Variants in DCC observed in about 807,000 individuals in gnomAD.
The protein encoded by DCC is DCC netrin 1 receptor.
A neutral mutation model predicts 172.5 loss-of-function variants in DCC; 58 were observed. The ratio of observed to expected loss-of-function variants is 0.34; its 90% confidence interval spans 0.27 to 0.42. The LOEUF is 0.42. DCC is among the 10% of genes least tolerant of loss of function. The pLI, the probability that DCC is intolerant of heterozygous loss-of-function variation, is 1.00. For missense variants in DCC, 1,740 were observed against 1,791.0 expected (o/e 0.97, Z 0.51); for synonymous variants, 709 against 644.5 (o/e 1.10, Z -1.52).
At chr18:52,342,522 A>G (rs2144221560) in intron 1 of DCC, among the ~76,000 whole-genome samples, 1 of 152,258 alleles carries the variant, frequency 6.6e-6, no homozygotes, top group South Asian at 2.1e-4. Context: ...TGCCTCCTCG[A>G]GACCCTCAAA....
At chr18:52,534,696 C>T (rs1419101013) in intron 1 of DCC, among the ~76,000 whole-genome samples, 3 of 152,104 alleles carry the variant, frequency 2.0e-5, no homozygotes, top group Non-Finnish European at 4.4e-5. Context: ...ATTTTTAATA[C>T]TTATTTTCTC....
intron 13 of DCC, among the ~76,000 whole-genome samples, chr18:53,315,382 T>C (rs2057331520): frequency 6.6e-6 from 1 of 152,238 alleles, no homozygotes; most frequent in African/African-American, 2.4e-5. Flanking sequence ...TTTGCATTGG[T>C]TCCAAGTCTT....
At chr18:52,793,509 T>C (rs1222158237) in intron 2 of DCC, among the ~76,000 whole-genome samples, 2 of 152,252 alleles carry the variant, frequency 1.3e-5, no homozygotes, top group African/African-American at 4.8e-5. Context: ...GCTGTTGAGT[T>C]GTTTCAGTTC....
intron 1 of DCC, among the ~76,000 whole-genome samples, chr18:52,542,316 A>T (rs1179123478): frequency 6.6e-6 from 1 of 152,188 alleles, no homozygotes; most frequent in Non-Finnish European, 1.5e-5. Context: ...GTTGAAATAC[A>T]TGACCATTTT....
chr18:52,831,009 T>A (rs1022255648), intron 2 of DCC, among the ~76,000 whole-genome samples: 5 of 152,066 alleles, frequency 3.3e-5, no homozygotes, highest in South Asian at 2.1e-4. Flanking sequence ...ATAGGGCAAG[T>A]CTCGGTATTA....
intron 2 of DCC, among the ~76,000 whole-genome samples, chr18:52,846,848 C>G (rs1378003376): frequency 6.6e-6 from 1 of 152,024 alleles, no homozygotes; most frequent in Non-Finnish European, 1.5e-5. Flanking sequence ...GGATATTCAC[C>G]AGAAATCTGT....
chr18:52,422,343 G>C (rs549484833), intron 1 of DCC, among the ~76,000 whole-genome samples: 21 of 152,140 alleles, frequency 1.4e-4, no homozygotes, highest in Non-Finnish European at 2.8e-4. Context: ...TGAGACTTGT[G>C]ATAATATTTG....
intron 1 of DCC, among the ~76,000 whole-genome samples, chr18:52,669,504 T>G (rs1051764602): frequency 6.6e-6 from 1 of 152,172 alleles, no homozygotes; most frequent in African/African-American, 2.4e-5. Flanking sequence ...AAGGACAGCT[T>G]AAAGGTTAGA....
chr18:52,574,934 T>C (rs1488473653), intron 1 of DCC, among the ~76,000 whole-genome samples: 1 of 152,132 alleles, frequency 6.6e-6, no homozygotes, highest in Non-Finnish European at 1.5e-5. Context: ...GTCATAGACC[T>C]TCTGAATTAG....
At chr18:53,214,355 A>G (rs551711241) in intron 11 of DCC, among the ~76,000 whole-genome samples, 8 of 152,302 alleles carry the variant, frequency 5.3e-5, no homozygotes, top group South Asian at 4.1e-4. Flanking sequence ...TGCTCATTCA[A>G]TCATTAATTC....
At chr18:52,904,653 T>G (rs2039854929) in intron 2 of DCC, among the ~76,000 whole-genome samples, 1 of 152,152 alleles carries the variant, frequency 6.6e-6, no homozygotes, top group Non-Finnish European at 1.5e-5. Context: ...TGGACAAAAT[T>G]TAAACCTGGA....
rs1377991158 is a variant in DCC at position 52,408,395 on chromosome 18, T to A, written c.91+67517T>A. ...CTTAAAGAATATCTACAATGACAAATGCTGAATTCAGGATGCATGAAGAAT... is the reference window on the plus strand; with the variant it reads ...CTTAAAGAATATCTACAATGACAAAAGCTGAATTCAGGATGCATGAAGAAT... On this transcript the variant is annotated intron_variant, in intron 1 of 28. Transcript: ENST00000442544. 2.6e-5 allele frequency among the ~76,000 whole-genome samples: 4 copies of A among 152,062 alleles called. No individual in the cohort carries two copies. In the East Asian group the frequency reaches 7.7e-4, roughly 29 times the overall value.
At chr18:52,630,891 G>A (rs1467441058) in intron 1 of DCC, among the ~76,000 whole-genome samples, 1 of 152,136 alleles carries the variant, frequency 6.6e-6, no homozygotes, top group Non-Finnish European at 1.5e-5. Context: ...GGTGCCCTTT[G>A]AGAGGAATCC....
rs1037116354 is a variant in DCC, at chr18:52,865,714, ATTTG to A, written c.413-40326_413-40323del. On this transcript the variant is annotated intron_variant, in intron 2 of 28. Transcript: ENST00000442544. Reference sequence around the variant, plus strand: ...TGATGGGGTTGTTTTTTTCTTGTAAATTTGTTTAAGTTCCTTGTAGATTCTGGAT... The same window carrying A: ...TGATGGGGTTGTTTTTTTCTTGTAAATTTAAGTTCCTTGTAGATTCTGGAT... Among the ~76,000 whole-genome samples, 21 of 151,654 alleles carry A rather than the reference ATTTG, an allele frequency of 1.4e-4. No homozygotes were observed. The East Asian group carries it at 2.9e-3, about 21-fold the overall frequency.
At chr18:52,651,181 G>A (rs969613666) in intron 1 of DCC, among the ~76,000 whole-genome samples, 1 of 151,990 alleles carries the variant, frequency 6.6e-6, no homozygotes, top group Non-Finnish European at 1.5e-5. Context: ...TTTATTTTTT[G>A]AGAGTAGGTG....
At chr18:53,213,647 C>CAAA (rs34284373) in intron 11 of DCC, among the ~76,000 whole-genome samples, 1,188 of 35,386 alleles carry the variant, frequency 0.034, 159 homozygotes, top group African/African-American at 0.067. Flanking sequence ...GACTCCGTCT[C>CAAA]AAAAAAAAAA....
At chr18:53,031,746 T>C (rs1260692810) in intron 5 of DCC, among the ~76,000 whole-genome samples, 1 of 152,156 alleles carries the variant, frequency 6.6e-6, no homozygotes. Context: ...TTGGCTAAAG[T>C]ATTTCAATGA....
chr18:52,913,135 C>G (rs1015172367), intron 3 of DCC, among the ~76,000 whole-genome samples: 1 of 151,988 alleles, frequency 6.6e-6, no homozygotes, highest in Non-Finnish European at 1.5e-5. Context: ...TAGGGCTAGG[C>G]AGAGCACAGG....
At chr18:53,145,348 C>T (rs947521535) in intron 7 of DCC, among the ~76,000 whole-genome samples, 5 of 151,982 alleles carry the variant, frequency 3.3e-5, no homozygotes, top group African/African-American at 4.8e-5. Context: ...CTCCTGGCCT[C>T]GTGATCCGCC....
Sources: gnomAD v4.1 joint callset for allele counts (sites outside exome capture counted in the v4.1 genomes callset) on GRCh38, gnomAD v4.1.1 for gene constraint, MANE v1.5 for transcripts, NCBI Gene and HGNC (gene_info 2026-07-23, HGNC 2026-07-21) for gene names.